Variants in SH3GLB2 observed in about 807,000 individuals in gnomAD.
SH3GLB2 encodes SH3 domain containing GRB2 like, endophilin B2.
A neutral mutation model predicts 48.0 loss-of-function variants in SH3GLB2; 24 were observed. The observed-to-expected ratio is 0.50, with a 90% CI of 0.36 to 0.70. The LOEUF (loss-of-function observed/expected upper bound fraction) is 0.70, where lower values mean the gene tolerates loss of function less well. SH3GLB2 is among the 30% of genes least tolerant of loss of function. The pLI is 0.00. For synonymous variants in SH3GLB2, 227 were observed against 207.6 expected (o/e 1.09, Z -0.80); for missense variants, 425 against 516.0 (o/e 0.82, Z 1.71).
At chr9:129,016,792 AAAG>A (rs1843454661) in intron 3 of SH3GLB2, among the ~76,000 whole-genome samples, 1 of 152,210 alleles carries the variant, frequency 6.6e-6, no homozygotes. Flanking sequence ...TACTAGAGAC[AAAG>A]AATAGTATTT....
intron 5 of SH3GLB2, chr9:129,012,834 C>T: frequency 2.9e-6 from 2 of 700,856 alleles, no homozygotes; most frequent in Admixed American, 2.8e-5. Context: ...GACTCACAGG[C>T]CCCAACGCCT....
chr9:129,020,888 A>AC (rs1564583855), intron 3 of SH3GLB2, among the ~76,000 whole-genome samples: 2 of 150,900 alleles, frequency 1.3e-5, no homozygotes, highest in East Asian at 3.9e-4. Flanking sequence ...ACAAAAACAA[A>AC]ACACACACAC....
intron 3 of SH3GLB2, among the ~76,000 whole-genome samples, chr9:129,017,256 G>T (rs1241968149): frequency 6.6e-6 from 1 of 151,472 alleles, no homozygotes; most frequent in Non-Finnish European, 1.5e-5. Context: ...AGCCTCAATA[G>T]TCTACTCTTG....
chr9:129,021,911 AT>A (rs1843828071), intron 2 of SH3GLB2, among the ~76,000 whole-genome samples: 1 of 147,754 alleles, frequency 6.8e-6, no homozygotes, highest in South Asian at 2.2e-4. Flanking sequence ...GTGAGCCAAG[AT>A]TGCACCATTG....
rs930484327 is a variant in SH3GLB2, at chr9:129,023,793, A to G, written c.64-1370T>C. On this transcript the variant is annotated intron_variant, in intron 1 of 10. Coordinates refer to ENST00000372564, the MANE Select transcript of SH3GLB2 (RefSeq NM_020145.4). ...GCCCAGCTGCCAGGGGTATGGCCTC[A>G]GCTCCTGCCTGGGGCCAGCTGCTCC... is the stretch of plus-strand genomic sequence containing the variant. Among the ~76,000 whole-genome samples, 3 of 152,118 alleles carry G rather than the reference A, an allele frequency of 2.0e-5. No individual in the cohort carries two copies. The East Asian group carries it at 5.8e-4, about 29-fold the overall frequency.
chr9:129,008,780 G>A lies in SH3GLB2; in HGVS notation c.1092C>T (p.Val364=), dbSNP rs1842911197. 6.2e-7 allele frequency: 1 copy of A among 1,613,872 alleles called. No homozygotes were observed. Among genetic ancestry groups the A allele is most frequent in the Admixed American group, 1.7e-5 (1 of 59,998 alleles). Residue 364 remains valine (V), a synonymous_variant, in exon 11 of 11, where the codon GTC becomes GTT. Coordinates refer to ENST00000372564, the MANE Select transcript of SH3GLB2 (RefSeq NM_020145.4). ...CAGGGTCCATGCCAGGCAGGCTGTA[G>A]ACAGTGATGAGCTGCAGAGATGGCA... ...LALLADELIT[V]YSLPGMDPDW... is the part of the protein sequence containing the mutation.
At chr9:129,021,518 C>T (rs1843795585) in intron 2 of SH3GLB2, among the ~76,000 whole-genome samples, 1 of 152,024 alleles carries the variant, frequency 6.6e-6, no homozygotes, top group African/African-American at 2.4e-5. Flanking sequence ...AGCCACAGAG[C>T]AGATTTACAG....
intron 3 of SH3GLB2, among the ~76,000 whole-genome samples, chr9:129,016,304 C>A (rs1363544561): frequency 1.5e-5 from 2 of 132,664 alleles, no homozygotes; most frequent in Admixed American, 8.8e-5. Flanking sequence ...CGTCACACCA[C>A]TGTACTCCAG....
Position 129,010,192 on chromosome 9 carries a change from G to T in SH3GLB2, c.666C>A (p.Arg222=), listed in dbSNP as rs143260504. Residue 222 remains arginine (R), a synonymous_variant, in exon 8 of 11, where the codon CGC becomes CGA. Coordinates refer to ENST00000372564, the MANE Select transcript of SH3GLB2 (RefSeq NM_020145.4). The part of the protein sequence containing the change: ...DEVDKAEQEL[R]VAQTEFDRQA... Reference sequence around the variant, plus strand: ...GCCGGTCAAACTCTGTCTGGGCCACGCGGAGCTCCTGCTCGGCCTGGGCAG... The same window carrying T: ...GCCGGTCAAACTCTGTCTGGGCCACTCGGAGCTCCTGCTCGGCCTGGGCAG... 7.7e-5 allele frequency: 124 copies of T among 1,613,946 alleles called. 1 individual carries two copies. The African/African-American group carries it at 1.4e-3, about 19-fold the overall frequency.
chr9:129,017,965 A>G (rs1843539942), intron 3 of SH3GLB2, among the ~76,000 whole-genome samples: 2 of 151,384 alleles, frequency 1.3e-5, no homozygotes, highest in African/African-American at 4.9e-5. Context: ...CGTGCCTGTA[A>G]TCTCAGCTAC....
intron 3 of SH3GLB2, among the ~76,000 whole-genome samples, chr9:129,018,802 G>T (rs1843606141): frequency 6.7e-6 from 1 of 150,354 alleles, no homozygotes; most frequent in Admixed American, 6.7e-5. Context: ...TGAGGCAGGA[G>T]AATGGCATGA....
chr9:129,022,363 G>T lies in SH3GLB2; in HGVS notation c.124C>A (p.Leu42Ile). ...KTELDAHFEN[L>I]LARADSTKNW... ...TTGGTGCTGTCTGCCCGGGCCAGAA[G>T]GTTTTCAAAGTGGGCATCAAGCTCA... The change falls in exon 2 of 11, where the codon CTT becomes ATT. Residue 42 changes from leucine to isoleucine, a missense_variant. Coordinates refer to ENST00000372564, the MANE Select transcript of SH3GLB2 (RefSeq NM_020145.4). 1 of 1,614,158 alleles carries T rather than the reference G, an allele frequency of 6.2e-7. No homozygotes were observed. The highest frequency in any genetic ancestry group is 8.5e-7 in the Non-Finnish European group (1 of 1,180,032).
intron 3 of SH3GLB2, 148 bp downstream of exon 3, chr9:129,020,943 C>G: frequency 9.8e-7 from 1 of 1,020,438 alleles, no homozygotes; most frequent in Non-Finnish European, 1.3e-6. Flanking sequence ...ATTTTTTACT[C>G]TTTTTTTCTG....
chr9:129,014,303 G>C lies in SH3GLB2; in HGVS notation c.561+108C>G, dbSNP rs1017618042. The C allele has an allele frequency of 9.7e-6, 10 of 1,029,180 alleles. No homozygotes were observed. Among genetic ancestry groups the C allele is most frequent in the African/African-American group, 9.5e-5 (6 of 62,994 alleles). The allele number at this position is 1,029,180 out of a possible 1,614,324, so 63.8% of individuals were successfully genotyped here. On this transcript the variant is annotated intron_variant, in intron 5 of 10. Coordinates refer to ENST00000372564, the MANE Select transcript of SH3GLB2 (RefSeq NM_020145.4). This position sits in a 1 kb window ranked among gnomAD's most constrained non-coding sequence, Gnocchi z 4.1. ...GCCCCCAGCCAGGCATCTCCAGCCA[G>C]GGAGAGGGGAGAGAGGTCATGCCAA... is the stretch of plus-strand genomic sequence containing the variant.
Position 129,028,330 on chromosome 9 carries a change from A to AGGGCGGGGCGCGGAGGCCGCG in SH3GLB2, c.-177_-176insCGCGGCCTCCGCGCCCCGCCC, listed in dbSNP as rs1181980064. 1.5e-4 allele frequency: 37 copies of AGGGCGGGGCGCGGAGGCCGCG among 242,528 alleles called. No homozygotes were observed. Among genetic ancestry groups the AGGGCGGGGCGCGGAGGCCGCG allele is most frequent in the Non-Finnish European group, 2.3e-4 (35 of 153,108 alleles). 15.0% of individuals were successfully genotyped at this position (242,528 alleles called of 1,614,324 possible). A position where few individuals can be genotyped will look rare whatever the true frequency, so the allele number is the denominator to read the frequency against. ...AGCCGCCGAGCCAGCCCGAGCGCGCAGGGCGGGGCGCGGAGGCCGCGGGTC... is the reference window on the plus strand; with the variant it reads ...AGCCGCCGAGCCAGCCCGAGCGCGCAGGGCGGGGCGCGGAGGCCGCGGGGCGGGGCGCGGAGGCCGCGGGTC... On this transcript the variant is annotated 5_prime_UTR_variant, in exon 1 of 11. Transcript: ENST00000372564.
At chr9:129,009,060 T>C (rs745825825) in intron 10 of SH3GLB2, 46 bp downstream of exon 10, 1 of 1,600,534 alleles carries the variant, frequency 6.2e-7, no homozygotes, top group South Asian at 1.1e-5. Flanking sequence ...CCCAGGCTGC[T>C]CCTCACCCAG....
At chr9:129,019,619 G>C (rs1228768185) in intron 3 of SH3GLB2, among the ~76,000 whole-genome samples, 2 of 149,636 alleles carry the variant, frequency 1.3e-5, no homozygotes, top group Non-Finnish European at 1.5e-5. Flanking sequence ...GGGAGGACCC[G>C]GGATGCTTGA....
intron 3 of SH3GLB2, among the ~76,000 whole-genome samples, chr9:129,020,681 C>CT (rs1843732226): frequency 1.3e-5 from 2 of 151,438 alleles, no homozygotes; most frequent in Middle Eastern, 3.2e-3. Flanking sequence ...TCCTGGCTAA[C>CT]ATGGTGAAAC....
Position 129,024,216 on chromosome 9 carries a change from G to A in SH3GLB2, c.64-1793C>T, listed in dbSNP as rs1391856450. Among the ~76,000 whole-genome samples the A allele has an allele frequency of 2.3e-5, 3 of 128,934 alleles. No individual in the cohort carries two copies. The East Asian group carries it at 7.4e-4, about 32-fold the overall frequency. The allele number at this position is 128,934 out of a possible 152,430, so 84.6% of individuals were successfully genotyped here. On this transcript the variant is annotated intron_variant, in intron 1 of 10. Coordinates refer to ENST00000372564, the MANE Select transcript of SH3GLB2 (RefSeq NM_020145.4). ...GTGGGCAGATGGATTGAGCCCAGGA[G>A]TTCAAGACCAGCCTGGGCAACCGTG...
Sources: allele counts gnomAD v4.1 joint callset (sites outside exome capture counted in the v4.1 genomes callset), GRCh38; gene constraint gnomAD v4.1.1; non-coding constraint Gnocchi (gnomAD v3.1); transcripts MANE v1.5; gene names NCBI Gene and HGNC (gene_info 2026-07-23, HGNC 2026-07-21).